The following IGSF10 variants were observed in gnomAD, a reference collection of about 807,000 sequenced individuals.
IGSF10 encodes immunoglobulin superfamily member 10.
Under a neutral mutation model 128.2 loss-of-function variants are expected in IGSF10, and 126 were observed. That is an observed-to-expected ratio of 0.98 (90% confidence interval 0.85 to 1.14). The LOEUF is 1.14. IGSF10 is among the 50% of genes most tolerant of loss of function. The pLI is 0.00. For synonymous variants in IGSF10, 1,185 were observed against 1,146.2 expected (o/e 1.03, Z -0.68); for missense variants, 3,295 against 3,149.8 (o/e 1.05, Z -1.10).
chr3:151,615,646 A>C, the IGSF10 span, among the ~76,000 whole-genome samples: 1 of 152,182 alleles, frequency 6.6e-6, no homozygotes, highest in African/African-American at 2.4e-5. Context: ...AATAAACTAC[A>C]AAGGGAAGGA....
the IGSF10 span, among the ~76,000 whole-genome samples, chr3:151,492,414 T>C: frequency 1.3e-5 from 2 of 152,174 alleles, no homozygotes; most frequent in Non-Finnish European, 2.9e-5. Context: ...GATGGGAATA[T>C]AGACTGGTTC....
At chr3:151,468,551 G>A in the IGSF10 span, among the ~76,000 whole-genome samples, 2 of 152,150 alleles carry the variant, frequency 1.3e-5, no homozygotes, top group East Asian at 3.9e-4. Context: ...GGCTCCCAGG[G>A]ATTCTCTACT....
At chr3:151,540,760 A>G in the IGSF10 span, among the ~76,000 whole-genome samples, 89,268 of 152,028 alleles carry the variant, frequency 0.59, 27,112 homozygotes, top group African/African-American at 0.73. Context: ...CAGTGTACAA[A>G]AATTCCAGTT....
chr3:151,570,690 T>C, the IGSF10 span, among the ~76,000 whole-genome samples: 3 of 152,248 alleles, frequency 2.0e-5, no homozygotes, highest in African/African-American at 7.2e-5. Context: ...ATGTTGCCTG[T>C]TCACTCTGAT....
Position 151,448,811 on chromosome 3 carries a change from C to T in IGSF10, c.1170G>A (p.Arg390=). 6.2e-7 allele frequency: 1 copy of T among 1,613,344 alleles called. No individual in the cohort carries two copies. The highest frequency in any genetic ancestry group is 8.5e-7 in the Non-Finnish European group (1 of 1,179,320). ...LYSDSPLILE[R]SHLLSETPQL... ...GCGGTGTTTCACTAAGCAAGTGGCT[C>T]CTTTCTAGTATCAGAGGAGAATCAC... is the stretch of plus-strand genomic sequence containing the variant. The change falls in exon 6 of 8, where the codon AGG becomes AGA. Residue 390 remains arginine (R), a synonymous_variant. Coordinates refer to ENST00000282466, the MANE Select transcript of IGSF10 (RefSeq NM_178822.5).
At chr3:151,487,188 C>G in the IGSF10 span, among the ~76,000 whole-genome samples, 130,381 of 152,162 alleles carry the variant, frequency 0.86, 56,070 homozygotes, top group Middle Eastern at 0.95. Context: ...TACCAAAACA[C>G]AATACTATAA....
the IGSF10 span, among the ~76,000 whole-genome samples, chr3:151,470,259 G>T: frequency 6.6e-6 from 1 of 152,100 alleles, no homozygotes; most frequent in Non-Finnish European, 1.5e-5. Flanking sequence ...TTCATACAAA[G>T]GTCACAAGGC....
the IGSF10 span, among the ~76,000 whole-genome samples, chr3:151,552,704 C>T: frequency 1.3e-5 from 2 of 152,102 alleles, no homozygotes; most frequent in Admixed American, 1.3e-4. Context: ...GGGGTTAGTG[C>T]TGGGAAAGAA....
At chr3:151,613,300 C>A in the IGSF10 span, among the ~76,000 whole-genome samples, 1 of 152,164 alleles carries the variant, frequency 6.6e-6, no homozygotes, top group Admixed American at 6.5e-5. Context: ...CAATGACTTT[C>A]TTCACAGAAT....
the IGSF10 span, among the ~76,000 whole-genome samples, chr3:151,571,372 ATTTG>A: frequency 6.6e-6 from 1 of 152,106 alleles, no homozygotes; most frequent in African/African-American, 2.4e-5. Context: ...ATGTTCTTCC[ATTTG>A]TTTGTGTCCT....
At chr3:151,574,014 T>G in the IGSF10 span, among the ~76,000 whole-genome samples, 1 of 152,196 alleles carries the variant, frequency 6.6e-6, no homozygotes, top group South Asian at 2.1e-4. Flanking sequence ...GATATGAAAA[T>G]TCTTTTCTTT....
At chr3:151,598,160 C>A in the IGSF10 span, among the ~76,000 whole-genome samples, 1 of 151,704 alleles carries the variant, frequency 6.6e-6, no homozygotes, top group Non-Finnish European at 1.5e-5. Context: ...CTTCCCCCCA[C>A]CGCCATCCCC....
chr3:151,487,634 T>C, the IGSF10 span, among the ~76,000 whole-genome samples: 1 of 152,164 alleles, frequency 6.6e-6, no homozygotes, highest in Non-Finnish European at 1.5e-5. Context: ...TTATCCACCA[T>C]GATCAAGTTG....
chr3:151,524,069 A>G, the IGSF10 span, among the ~76,000 whole-genome samples: 262 of 152,306 alleles, frequency 1.7e-3, no homozygotes, highest in African/African-American at 6.0e-3. Flanking sequence ...ATCACTGATT[A>G]TTAGAGAAAT....
the IGSF10 span, among the ~76,000 whole-genome samples, chr3:151,563,180 C>T: frequency 6.6e-6 from 1 of 152,068 alleles, no homozygotes; most frequent in African/African-American, 2.4e-5. Context: ...TGCCATATAT[C>T]TTCTCACCCT....
upstream of IGSF10, among the ~76,000 whole-genome samples, chr3:151,465,849 A>G (rs1467812164): frequency 6.6e-6 from 1 of 152,164 alleles, no homozygotes; most frequent in Admixed American, 6.5e-5. Flanking sequence ...CAAGATTGAA[A>G]ACCTAACTTA....
At position 151,445,585 on chromosome 3, in the gene IGSF10, A is replaced by G; in HGVS notation, c.4396T>C (p.Leu1466=). The G allele has an allele frequency of 1.2e-6, 2 of 1,614,222 alleles. No homozygotes were observed. The highest frequency in any genetic ancestry group is 1.7e-6 in the Non-Finnish European group (2 of 1,180,012). The part of the protein sequence containing the change: ...IIRHSTIPPF[L]SSSATLMPVP... ...GGCATTAGAGTAGCACTGCTGCTCA[A>G]GAATGGTGGTATGGTTGAGTGTCTA... is the stretch of plus-strand genomic sequence containing the variant. Residue 1466 remains leucine, a synonymous_variant, in exon 6 of 8, where the codon TTG becomes CTG. Transcript: ENST00000282466.
the IGSF10 span, among the ~76,000 whole-genome samples, chr3:151,598,463 C>A: frequency 1.1e-4 from 17 of 152,176 alleles, no homozygotes; most frequent in African/African-American, 4.1e-4. Context: ...CTGTGAGTAT[C>A]CATGGGGGAT....
the IGSF10 span, among the ~76,000 whole-genome samples, chr3:151,467,921 A>G: frequency 6.6e-6 from 1 of 152,100 alleles, no homozygotes; most frequent in Non-Finnish European, 1.5e-5. Flanking sequence ...AAAAGAAAGA[A>G]AAATGGCTGA....
Sources: gnomAD v4.1 joint callset for allele counts (sites outside exome capture counted in the v4.1 genomes callset) on GRCh38, gnomAD v4.1.1 for gene constraint, MANE v1.5 for transcripts, NCBI Gene and HGNC (gene_info 2026-07-23, HGNC 2026-07-21) for gene names.